The following OTULIN variants were observed in gnomAD, a reference collection of about 807,000 sequenced individuals.
OTULIN encodes ubiquitin thioesterase otulin.
OTULIN carries 15 observed loss-of-function variants against 39.6 expected under a neutral mutation model. The observed-to-expected ratio is 0.38, with a 90% CI of 0.25 to 0.58. The LOEUF (loss-of-function observed/expected upper bound fraction) is 0.58, where lower values mean the gene tolerates loss of function less well. Ranked by LOEUF, OTULIN falls within the 20% of genes least tolerant of loss-of-function variation. The probability of loss-of-function intolerance (pLI) is 0.66; values close to 1 mark genes in which losing one functional copy is unlikely to be tolerated. For synonymous variants in OTULIN, 156 were observed against 170.3 expected, an observed-to-expected ratio of 0.92 and a Z score of 0.65; for missense variants, 319 against 445.9, an observed-to-expected ratio of 0.72 and a Z score of 2.56.
intron 3 of OTULIN, among the ~76,000 whole-genome samples, chr5:14,679,118 C>T (rs551719650): frequency 6.6e-6 from 1 of 152,276 alleles, no homozygotes; most frequent in East Asian, 1.9e-4. Flanking sequence ...CTCAGGGATG[C>T]CTCAGGCCGA....
In OTULIN at chr5:14,664,777, C is replaced by T. The variant is rs1427975222; in HGVS notation, c.-49C>T. On this transcript the variant is annotated 5_prime_UTR_variant, in exon 1 of 7. Transcript: ENST00000284274. ...CTGCCTGGCACCCCGACGGGAGGGG[C>T]TCCGGATCGTTCGGAGCCGGCTGAA... 8.8e-7 allele frequency: 1 copy of T among 1,141,688 alleles called. No homozygotes were observed. Among genetic ancestry groups the T allele is most frequent in the Non-Finnish European group, 1.1e-6 (1 of 929,110 alleles). 70.7% of individuals were successfully genotyped at this position (1,141,688 alleles called of 1,614,324 possible). A position where few individuals can be genotyped will look rare whatever the true frequency, so the allele number is the denominator to read the frequency against.
Position 14,664,732 on chromosome 5 carries a change from C to G in OTULIN, c.-94C>G. Reference sequence around the variant, plus strand: ...TGCGGGCCCTCGGAAACCGCCCCGGCGGCTGAGAGGCTGCGGCCACTGCCT... The same window carrying G: ...TGCGGGCCCTCGGAAACCGCCCCGGGGGCTGAGAGGCTGCGGCCACTGCCT... On this transcript the variant is annotated 5_prime_UTR_variant, in exon 1 of 7. Coordinates refer to ENST00000284274, the MANE Select transcript of OTULIN (RefSeq NM_138348.6). 1.4e-5 allele frequency: 15 copies of G among 1,072,414 alleles called. No homozygotes were observed. Among genetic ancestry groups the G allele is most frequent in the Non-Finnish European group, 1.6e-5 (14 of 882,778 alleles). 66.4% of individuals were successfully genotyped at this position (1,072,414 alleles called of 1,614,324 possible).
chr5:14,665,127 A>G (rs1735798986), intron 1 of OTULIN, 150 bp downstream of exon 1: 2 of 657,848 alleles, frequency 3.0e-6, no homozygotes, highest in Admixed American at 6.1e-5. Context: ...ATTGGCAGAC[A>G]GTTTTCCCAG....
At chr5:14,672,659 G>C (rs1326732026) in intron 1 of OTULIN, among the ~76,000 whole-genome samples, 1 of 152,140 alleles carries the variant, frequency 6.6e-6, no homozygotes, top group Admixed American at 6.5e-5. Flanking sequence ...TCTGCTCAGT[G>C]TGTTACTCAT....
chr5:14,715,503 G>A, the OTULIN span, among the ~76,000 whole-genome samples: 316 of 152,234 alleles, frequency 2.1e-3, 2 homozygotes, highest in African/African-American at 7.4e-3. Flanking sequence ...TGGATCTTTT[G>A]GGGAAACCGA....
chr5:14,697,197 A>C lies in OTULIN; in HGVS notation c.*4149A>C, dbSNP rs1736692540. The C allele has an allele frequency of 6.6e-6, 1 of 152,050 alleles. No individual in the cohort carries two copies. Among genetic ancestry groups the C allele is most frequent in the African/African-American group, 2.4e-5 (1 of 41,348 alleles). 9.4% of individuals were successfully genotyped at this position (152,050 alleles called of 1,614,324 possible). A position where few individuals can be genotyped will look rare whatever the true frequency, so the allele number is the denominator to read the frequency against. On this transcript the variant is annotated 3_prime_UTR_variant, in exon 7 of 7. Coordinates refer to ENST00000284274, the MANE Select transcript of OTULIN (RefSeq NM_138348.6). ...CATGTATTGTATTATATATTTTTTG[A>C]GATGGGGTCTTGCTCTGTTGCCCAG... is the stretch of plus-strand genomic sequence containing the variant.
At chr5:14,686,249 GTATT>G (rs1404806490) in intron 4 of OTULIN, among the ~76,000 whole-genome samples, 1 of 152,028 alleles carries the variant, frequency 6.6e-6, no homozygotes, top group Non-Finnish European at 1.5e-5. Flanking sequence ...ATTTAAAACT[GTATT>G]TATTTTATTT....
chr5:14,708,427 G>A, the OTULIN span: 5 of 152,336 alleles, frequency 3.3e-5, no homozygotes, highest in East Asian at 7.7e-4. Flanking sequence ...GCAGCTGTCA[G>A]CTGAATGCCC....
chr5:14,710,327 A>ACCTTCAGGAAAGGCGAGGGAAAAGCAAG, the OTULIN span: 1 of 152,246 alleles, frequency 6.6e-6, no homozygotes, highest in Non-Finnish European at 1.5e-5. Flanking sequence ...CTCTAATGCG[A>ACCTTCAGGAAAGGCGAGGGAAAAGCAAG]CCTTCAGGAA....
the OTULIN span, among the ~76,000 whole-genome samples, chr5:14,714,302 C>T: frequency 6.6e-6 from 1 of 152,258 alleles, no homozygotes; most frequent in South Asian, 2.1e-4. Flanking sequence ...TTCACTGGAT[C>T]TCTGAGCTGC....
chr5:14,707,569 A>C, the OTULIN span: 1 of 152,168 alleles, frequency 6.6e-6, no homozygotes, highest in Non-Finnish European at 1.5e-5. Context: ...CCCCGCTGCG[A>C]CGCATCCTGG....
chr5:14,682,985 C>A (rs1207194103), intron 4 of OTULIN, among the ~76,000 whole-genome samples: 1 of 152,136 alleles, frequency 6.6e-6, no homozygotes, highest in Non-Finnish European at 1.5e-5. Flanking sequence ...GTTGACTAAG[C>A]TAGAGGTCTT....
At chr5:14,704,594 G>T (rs1310502763), downstream of OTULIN, among the ~76,000 whole-genome samples, 1 of 152,250 alleles carries the variant, frequency 6.6e-6, no homozygotes, top group East Asian at 1.9e-4. Context: ...GAAGAAATAG[G>T]TTATATTTAA....
chr5:14,711,029 G>A, the OTULIN span: 2 of 693,832 alleles, frequency 2.9e-6, no homozygotes, highest in Non-Finnish European at 5.2e-6. Context: ...GTCAGTGTGA[G>A]CATACCCAGT....
rs1488538227 is a variant in OTULIN, at chr5:14,678,786, G to C, written c.324+11G>C. 1 of 1,556,216 alleles carries C rather than the reference G, an allele frequency of 6.4e-7. No homozygotes were observed. Among genetic ancestry groups the C allele is most frequent in the Non-Finnish European group, 8.7e-7 (1 of 1,146,350 alleles). The stretch of plus-strand genomic sequence containing the variant: ...ACGTGTATGAAAATGGTATGACACA[G>C]AGGTGCACATATTTCAGGTCTTTCA... On this transcript the variant is annotated intron_variant, in intron 3 of 6. Coordinates refer to ENST00000284274, the MANE Select transcript of OTULIN (RefSeq NM_138348.6).
At chr5:14,715,154 G>A in the OTULIN span, among the ~76,000 whole-genome samples, 3 of 151,818 alleles carry the variant, frequency 2.0e-5, no homozygotes, top group African/African-American at 4.8e-5. Context: ...GTTTTGAGAC[G>A]GAGTTTCACT....
rs1295141490 is a variant in OTULIN at position 14,668,649 on chromosome 5, T to C, written c.152+3672T>C. 2.0e-5 allele frequency among the ~76,000 whole-genome samples: 3 copies of C among 152,144 alleles called. No individual in the cohort carries two copies. In the East Asian group the frequency reaches 5.8e-4, roughly 29 times the overall value. Reference sequence around the variant, plus strand: ...AACTGCAGGGTTCAAGTCCAGAGAGTTGAATTAAAAAAAGCCATACTTAGT... The same window carrying C: ...AACTGCAGGGTTCAAGTCCAGAGAGCTGAATTAAAAAAAGCCATACTTAGT... On this transcript the variant is annotated intron_variant, in intron 1 of 6. Coordinates refer to ENST00000284274, the MANE Select transcript of OTULIN (RefSeq NM_138348.6).
chr5:14,682,601 T>C (rs1447696719), intron 4 of OTULIN, among the ~76,000 whole-genome samples: 2 of 152,188 alleles, frequency 1.3e-5, no homozygotes, highest in Non-Finnish European at 2.9e-5. Context: ...ATTGGCCTTA[T>C]AGCAATTTAT....
Position 14,664,820 on chromosome 5 carries a change from G to T in OTULIN, c.-6G>T, listed in dbSNP as rs756388912. On this transcript the variant is annotated 5_prime_UTR_variant, in exon 1 of 7. Coordinates refer to ENST00000284274, the MANE Select transcript of OTULIN (RefSeq NM_138348.6). ...CGGCTGAACCCCTTCGGCCGCGAGC[G>T]ACCGCATGAGTCGGGGGACTATGCC... 8.2e-7 allele frequency: 1 copy of T among 1,217,430 alleles called. No individual in the cohort carries two copies. The highest frequency in any genetic ancestry group is 3.8e-5 in the South Asian group (1 of 25,978). 75.4% of individuals were successfully genotyped at this position (1,217,430 alleles called of 1,614,324 possible). A position where few individuals can be genotyped will look rare whatever the true frequency, so the allele number is the denominator to read the frequency against.
Sources: gnomAD v4.1 joint callset for allele counts (sites outside exome capture counted in the v4.1 genomes callset) on GRCh38, gnomAD v4.1.1 for gene constraint, MANE v1.5 for transcripts, NCBI Gene and HGNC (gene_info 2026-07-23, HGNC 2026-07-21) for gene names.